The following TTC6 variants were observed in gnomAD, a reference collection of about 807,000 sequenced individuals.
TTC6 encodes tetratricopeptide repeat protein 6.
Under a neutral mutation model 210.4 loss-of-function variants are expected in TTC6, and 172 were observed. The observed-to-expected ratio is 0.82, with a 90% CI of 0.72 to 0.93. TTC6 has a LOEUF of 0.93. Among genes scored for constraint, TTC6 ranks in the 40% least tolerant of loss-of-function variants. TTC6 has a pLI of 0.00. For synonymous variants in TTC6, 804 were observed against 819.6 expected (o/e 0.98, Z 0.32); for missense variants, 2,414 against 2,318.1 (o/e 1.04, Z -0.85).
intron 14 of TTC6, among the ~76,000 whole-genome samples, chr14:37,786,347 C>T (rs555088312): frequency 1.1e-4 from 17 of 152,324 alleles, no homozygotes; most frequent in African/African-American, 4.1e-4. Flanking sequence ...CACCCAGCCT[C>T]GTTGCTGCCT....
chr14:37,721,500 A>G (rs1384989582), intron 6 of TTC6, among the ~76,000 whole-genome samples: 2 of 152,146 alleles, frequency 1.3e-5, no homozygotes, highest in Admixed American at 1.3e-4. Context: ...CAGTGTCACA[A>G]ATACACTCGG....
intron 5 of TTC6, among the ~76,000 whole-genome samples, chr14:37,702,413 G>A (rs1382766049): frequency 6.6e-6 from 1 of 151,908 alleles, no homozygotes; most frequent in African/African-American, 2.4e-5. Context: ...CTATATGAAT[G>A]TATGTGCTTT....
chr14:37,716,737 G>A (rs1488028737), intron 6 of TTC6, among the ~76,000 whole-genome samples: 1 of 152,098 alleles, frequency 6.6e-6, no homozygotes, highest in Non-Finnish European at 1.5e-5. Flanking sequence ...TATAGTTGGA[G>A]AGTTCAGCAT....
At chr14:37,824,425 G>T (rs1456217019) in intron 27 of TTC6, among the ~76,000 whole-genome samples, 1 of 152,120 alleles carries the variant, frequency 6.6e-6, no homozygotes, top group East Asian at 1.9e-4. Context: ...TTAAAGAGAG[G>T]GATTTCCAAG....
rs143494180 is a variant in TTC6 at position 37,712,102 on chromosome 14, C to T, written c.1572-2553C>T. On this transcript the variant is annotated intron_variant, in intron 5 of 30. Coordinates refer to ENST00000553443, the Ensembl canonical transcript of TTC6. Reference sequence around the variant, plus strand: ...GCTAACCTTAGGTATGCCTTTCCACCAAGGCCCCCATTCATGTCTACCAGA... The same window carrying T: ...GCTAACCTTAGGTATGCCTTTCCACTAAGGCCCCCATTCATGTCTACCAGA... 2.2e-3 allele frequency among the ~76,000 whole-genome samples: 340 copies of T among 152,254 alleles called. 1 individual carries two copies. The highest frequency in any genetic ancestry group is 2.6e-3 in the Non-Finnish European group (178 of 68,014).
At chr14:37,773,610 G>A (rs530459538) in intron 14 of TTC6, among the ~76,000 whole-genome samples, 30 of 152,240 alleles carry the variant, frequency 2.0e-4, no homozygotes, top group African/African-American at 7.0e-4. Context: ...TGTTCCATTT[G>A]TTTATGTGTC....
chr14:37,622,899 G>A lies in TTC6; in HGVS notation c.835G>A (p.Glu279Lys), dbSNP rs532842858. 2.2e-4 allele frequency: 336 copies of A among 1,535,170 alleles called. 1 individual carries two copies. The East Asian group carries it at 8.0e-3, about 37-fold the overall frequency. Residue 279 changes from glutamate to lysine, a missense_variant, in exon 1 of 31, where the codon GAG (glutamate) becomes AAG (lysine). By Grantham distance (56) the Glu-to-Lys change is moderately conservative. Transcript: ENST00000553443. ...CCGCGTGATCCCCACGTCCATCGAA[G>A]AGATCATCGCCTCTCTGCAGTCCGA...
intron 13 of TTC6, 23 bp downstream of exon 15, chr14:37,751,248 C>T (rs1179088464): frequency 1.3e-6 from 2 of 1,499,234 alleles, no homozygotes. Context: ...ACATATAATT[C>T]TACCATTTAT....
At chr14:37,735,847 T>C (rs2095900193) in intron 7 of TTC6, 74 bp from the exon 10 acceptor site, 1 of 838,536 alleles carries the variant, frequency 1.2e-6, no homozygotes, top group Non-Finnish European at 1.8e-6. Context: ...TGTTGTACTA[T>C]GAAGTAACAG....
At chr14:37,698,456 G>A (rs2095818838) in intron 4 of TTC6, among the ~76,000 whole-genome samples, 1 of 152,160 alleles carries the variant, frequency 6.6e-6, no homozygotes, top group African/African-American at 2.4e-5. Flanking sequence ...CAGGTAGAAT[G>A]ATGGTGTAGG....
intron 3 of TTC6, among the ~76,000 whole-genome samples, chr14:37,686,377 T>A (rs942989355): frequency 6.6e-6 from 1 of 152,198 alleles, no homozygotes; most frequent in African/African-American, 2.4e-5. Context: ...AGCCTCCCAA[T>A]GTTGGTTTTG....
intron 10 of TTC6, among the ~76,000 whole-genome samples, chr14:37,742,683 G>T (rs547119092): frequency 6.6e-6 from 1 of 152,044 alleles, no homozygotes; most frequent in Non-Finnish European, 1.5e-5. Context: ...CTCCCAAAGG[G>T]CTGAGATTAT....
chr14:37,735,937 G>C, exon 8 of TTC6: 1 of 1,532,508 alleles, frequency 6.5e-7, no homozygotes, highest in Non-Finnish European at 8.7e-7. Context: ...CAAGCAAGCA[G>C]ACTTTTAACT....
intron 2 of TTC6, among the ~76,000 whole-genome samples, chr14:37,611,834 G>A (rs997369173): frequency 6.6e-6 from 1 of 152,086 alleles, no homozygotes; most frequent in Non-Finnish European, 1.5e-5. Context: ...GATGTGTGTA[G>A]TTTCAGAATA....
At chr14:37,836,020 A>G (rs1449358983) in intron 29 of TTC6, among the ~76,000 whole-genome samples, 1 of 152,060 alleles carries the variant, frequency 6.6e-6, no homozygotes, top group African/African-American at 2.4e-5. Context: ...CTTTCTTCTG[A>G]GCTCCTAACC....
chr14:37,653,420 G>T (rs1039476513), intron 1 of TTC6, among the ~76,000 whole-genome samples: 7 of 151,988 alleles, frequency 4.6e-5, no homozygotes, highest in African/African-American at 1.7e-4. Flanking sequence ...GGATGTTGGG[G>T]GTCTGGACTG....
At chr14:37,816,882 A>T (rs2096143292) in intron 25 of TTC6, among the ~76,000 whole-genome samples, 1 of 152,158 alleles carries the variant, frequency 6.6e-6, no homozygotes, top group Non-Finnish European at 1.5e-5. Context: ...TAAAGGAAAG[A>T]GCTCTGGGCT....
intron 1 of TTC6, among the ~76,000 whole-genome samples, chr14:37,630,251 C>G (rs1197129169): frequency 1.3e-5 from 2 of 152,120 alleles, no homozygotes; most frequent in African/African-American, 2.4e-5. Context: ...ACTGCTTTAG[C>G]TGTATCCCAG....
In TTC6 at chr14:37,640,421, G is replaced by A. The variant is rs569762000; in HGVS notation, c.939+17418G>A. ...GTTGTTCAAAATAATTGCTTTTTCT[G>A]GCTATTTCAGGTACAATTACTTGGA... On this transcript the variant is annotated intron_variant, in intron 1 of 30. Transcript: ENST00000553443. Among the ~76,000 whole-genome samples, 3 of 152,218 alleles carry A rather than the reference G, an allele frequency of 2.0e-5. No homozygotes were observed. The South Asian group carries it at 6.2e-4, about 32-fold the overall frequency.
Sources: gnomAD v4.1 joint callset for allele counts (sites outside exome capture counted in the v4.1 genomes callset) on GRCh38, gnomAD v4.1.1 for gene constraint, MANE v1.5 for transcripts, NCBI Gene and HGNC (gene_info 2026-07-23, HGNC 2026-07-21) for gene names.